The following CNTNAP2 variants were observed in gnomAD, a reference collection of about 807,000 sequenced individuals.
CNTNAP2 encodes contactin associated protein 2, also known as contactin-associated protein-like 2.
CNTNAP2 carries 98 observed loss-of-function variants against 155.2 expected under a neutral mutation model. The ratio of observed to expected loss-of-function variants is 0.63; its 90% CI spans 0.54 to 0.75. The LOEUF is 0.75. Among genes scored for constraint, CNTNAP2 ranks in the 30% least tolerant of loss-of-function variants. The pLI is 0.00. For missense variants in CNTNAP2, 1,727 were observed against 1,688.1 expected (o/e 1.02, Z -0.40); for synonymous variants, 651 against 631.2 (o/e 1.03, Z -0.47).
intron 15 of CNTNAP2, among the ~76,000 whole-genome samples, chr7:148,039,030 A>C (rs1219789028): frequency 6.6e-6 from 1 of 152,200 alleles, no homozygotes; most frequent in Non-Finnish European, 1.5e-5. Context: ...TGTACATATG[A>C]GAAGAGATTT....
intron 21 of CNTNAP2, among the ~76,000 whole-genome samples, chr7:148,380,318 T>TGTCA (rs1419726086): frequency 2.0e-5 from 3 of 152,242 alleles, no homozygotes; most frequent in Non-Finnish European, 4.4e-5. Context: ...ATAGCTATAC[T>TGTCA]GTCATTTGTA....
chr7:147,569,517 G>C (rs138969242), intron 12 of CNTNAP2, among the ~76,000 whole-genome samples: 56 of 151,676 alleles, frequency 3.7e-4, no homozygotes, highest in African/African-American at 1.3e-3. Flanking sequence ...TGTGTAGATA[G>C]GTTATATACA....
intron 1 of CNTNAP2, among the ~76,000 whole-genome samples, chr7:146,652,479 A>G (rs1799932722): frequency 6.6e-6 from 1 of 152,152 alleles, no homozygotes; most frequent in Non-Finnish European, 1.5e-5. Context: ...TTTGACAGGT[A>G]TGATTAGTAA....
chr7:147,862,483 G>A (rs1466801678), intron 13 of CNTNAP2, among the ~76,000 whole-genome samples: 2 of 152,042 alleles, frequency 1.3e-5, no homozygotes, highest in Non-Finnish European at 2.9e-5. Context: ...CTTCTTTATT[G>A]CATCTGTGTG....
intron 11 of CNTNAP2, among the ~76,000 whole-genome samples, chr7:147,501,598 T>C (rs1798814313): frequency 2.0e-5 from 3 of 152,144 alleles, no homozygotes; most frequent in Admixed American, 1.3e-4. Context: ...ATGTGGTTCA[T>C]GAGATAATTC....
At chr7:146,659,606 A>G (rs1457758900) in intron 1 of CNTNAP2, among the ~76,000 whole-genome samples, 1 of 152,218 alleles carries the variant, frequency 6.6e-6, no homozygotes, top group East Asian at 1.9e-4. Flanking sequence ...TATGATTCCC[A>G]AACCACTCAT....
intron 1 of CNTNAP2, among the ~76,000 whole-genome samples, chr7:146,393,432 C>T (rs957968901): frequency 3.9e-4 from 60 of 152,268 alleles, no homozygotes; most frequent in African/African-American, 1.0e-3. Flanking sequence ...GATAATGCAA[C>T]TTAATGTGGC....
intron 1 of CNTNAP2, among the ~76,000 whole-genome samples, chr7:146,201,761 T>C (rs951102145): frequency 3.3e-5 from 5 of 152,112 alleles, no homozygotes; most frequent in African/African-American, 1.2e-4. Flanking sequence ...TACATAATTT[T>C]TCTTTAGTTA....
rs1230489048 is a variant in CNTNAP2, at chr7:147,778,180, CT to C, written c.2099-125381del. ...GTTTAGTTTTCAATTTTCTTATAGC[CT>C]TTTGATTACAGTGCCACTGAAAATA... On this transcript the variant is annotated intron_variant, in intron 13 of 23. Coordinates refer to ENST00000361727, the MANE Select transcript of CNTNAP2 (RefSeq NM_014141.6). Among the ~76,000 whole-genome samples the C allele has an allele frequency of 4.6e-5, 7 of 152,146 alleles. No individual in the cohort carries two copies. In the East Asian group the frequency reaches 1.3e-3, roughly 29 times the overall value.
At chr7:148,131,396 C>T (rs1320533428) in intron 16 of CNTNAP2, among the ~76,000 whole-genome samples, 1 of 152,072 alleles carries the variant, frequency 6.6e-6, no homozygotes, top group East Asian at 1.9e-4. Context: ...CACGCCCTGC[C>T]AACACTTTCC....
At position 146,917,455 on chromosome 7, in the gene CNTNAP2, C is replaced by T. The variant is rs114020189; in HGVS notation, c.402+77551C>T. 1.8e-3 allele frequency among the ~76,000 whole-genome samples: 271 copies of T among 152,168 alleles called. 4 individuals carry two copies. Among genetic ancestry groups the T allele is most frequent in the African/African-American group, 6.2e-3 (259 of 41,526 alleles). On this transcript the variant is annotated intron_variant, in intron 3 of 23. Transcript: ENST00000361727. ...TGCTGTCAATCTCATTTCTTAGGTC[C>T]AGTAAGTAATTGTTGTATAAATATG... is the stretch of plus-strand genomic sequence containing the variant.
chr7:146,800,472 C>A (rs957569881), intron 2 of CNTNAP2, among the ~76,000 whole-genome samples: 1 of 152,194 alleles, frequency 6.6e-6, no homozygotes, highest in Non-Finnish European at 1.5e-5. Context: ...GTTTTTCTTT[C>A]TGTTGGGCAT....
At chr7:146,959,751 G>A (rs906783710) in intron 3 of CNTNAP2, among the ~76,000 whole-genome samples, 5 of 150,082 alleles carry the variant, frequency 3.3e-5, no homozygotes, top group African/African-American at 7.4e-5. Context: ...ATAAGAATAC[G>A]AACTGCAATC....
At chr7:146,473,558 A>G (rs1164511429) in intron 1 of CNTNAP2, among the ~76,000 whole-genome samples, 6 of 152,076 alleles carry the variant, frequency 3.9e-5, no homozygotes, top group Non-Finnish European at 7.4e-5. Flanking sequence ...GGGTGACAAT[A>G]TTCTTCTTTC....
intron 15 of CNTNAP2, among the ~76,000 whole-genome samples, chr7:148,079,019 A>G (rs1379730287): frequency 2.0e-5 from 3 of 152,212 alleles, no homozygotes; most frequent in Non-Finnish European, 4.4e-5. Flanking sequence ...TACATCTTGA[A>G]TAATTCTCAC....
At chr7:146,771,430 G>A (rs750429891) in intron 1 of CNTNAP2, among the ~76,000 whole-genome samples, 25 of 152,174 alleles carry the variant, frequency 1.6e-4, no homozygotes, top group Non-Finnish European at 3.1e-4. Context: ...ATAATCAAAT[G>A]TATCAGAAAG....
rs528915519 is a variant in CNTNAP2, at chr7:146,797,833, TG to T, written c.208+23453del. 3.9e-5 allele frequency among the ~76,000 whole-genome samples: 6 copies of T among 152,346 alleles called. No individual in the cohort carries two copies. In the East Asian group the frequency reaches 1.2e-3, roughly 29 times the overall value. ...TTATCATCTCTTTCTCTGTCACTGT[TG>T]ACAAGATAGAGATACAAAGTTGTTC... On this transcript the variant is annotated intron_variant, in intron 2 of 23. Coordinates refer to ENST00000361727, the MANE Select transcript of CNTNAP2 (RefSeq NM_014141.6).
In CNTNAP2 at chr7:148,370,680, G is replaced by A. The variant is rs577959569; in HGVS notation, c.3476-12969G>A. 9.4e-5 allele frequency among the ~76,000 whole-genome samples: 14 copies of A among 148,374 alleles called. No individual in the cohort carries two copies. The South Asian group carries it at 3.1e-3, about 33-fold the overall frequency. On this transcript the variant is annotated intron_variant, in intron 21 of 23. Transcript: ENST00000361727. ...CTGGTGTTTCCACCGCACCCCACCA[G>A]CTGGAATGACATCCAGGATTGAACT...
intron 1 of CNTNAP2, among the ~76,000 whole-genome samples, chr7:146,443,091 G>A (rs1034978729): frequency 3.3e-5 from 5 of 151,830 alleles, no homozygotes; most frequent in Non-Finnish European, 7.4e-5. Context: ...GCGGGCGACT[G>A]TAGTCCCAGC....
Sources: gnomAD v4.1 joint callset for allele counts (sites outside exome capture counted in the v4.1 genomes callset) on GRCh38, gnomAD v4.1.1 for gene constraint, MANE v1.5 for transcripts, NCBI Gene and HGNC (gene_info 2026-07-23, HGNC 2026-07-21) for gene names.